The following BCL2 variants were observed in gnomAD, a reference collection of about 807,000 sequenced individuals.
BCL2 encodes apoptosis regulator Bcl-2.
A neutral mutation model predicts 14.2 loss-of-function variants in BCL2; 1 was observed. That is an observed-to-expected ratio of 0.07 (90% CI 0.02 to 0.33). The LOEUF (loss-of-function observed/expected upper bound fraction) is 0.33, where lower values mean the gene tolerates loss of function less well. Among genes scored for constraint, BCL2 ranks in the 10% least tolerant of loss-of-function variants. The probability of loss-of-function intolerance (pLI) is 0.99; values close to 1 mark genes in which losing one functional copy is unlikely to be tolerated. For synonymous variants in BCL2, 151 were observed against 137.2 expected (o/e 1.10, Z -0.70); for missense variants, 247 against 305.9 (o/e 0.81, Z 1.44).
chr18:63,241,232 C>A (rs1910991888), intron 2 of BCL2, among the ~76,000 whole-genome samples: 1 of 152,210 alleles, frequency 6.6e-6, no homozygotes, highest in African/African-American at 2.4e-5. Flanking sequence ...TACGCTTTTA[C>A]ATAGCGCTTG....
At chr18:63,284,449 C>T (rs1044542170) in intron 2 of BCL2, among the ~76,000 whole-genome samples, 5 of 152,014 alleles carry the variant, frequency 3.3e-5, no homozygotes, top group Admixed American at 6.6e-5. Flanking sequence ...AACAGGGGAC[C>T]CCAGAAGTCC....
At chr18:63,241,156 C>G (rs1258330567) in intron 2 of BCL2, among the ~76,000 whole-genome samples, 1 of 152,250 alleles carries the variant, frequency 6.6e-6, no homozygotes, top group African/African-American at 2.4e-5. Flanking sequence ...ATTTGGCCCA[C>G]AGGCCATAGC....
At chr18:63,291,057 G>A (rs1283000117) in intron 2 of BCL2, among the ~76,000 whole-genome samples, 5 of 152,016 alleles carry the variant, frequency 3.3e-5, no homozygotes, top group Non-Finnish European at 7.4e-5. Context: ...TCAACACCCG[G>A]CACCCACAGC....
intron 2 of BCL2, among the ~76,000 whole-genome samples, chr18:63,131,184 A>G (rs1004336092): frequency 1.4e-4 from 22 of 152,178 alleles, no homozygotes; most frequent in African/African-American, 5.1e-4. Flanking sequence ...CAGATGACCC[A>G]TCCTGTGTGT....
intron 2 of BCL2, among the ~76,000 whole-genome samples, chr18:63,140,143 A>G (rs1191281968): frequency 6.6e-6 from 1 of 152,206 alleles, no homozygotes. Context: ...AAAAATAGAT[A>G]ATAACAAGTG....
At chr18:63,169,322 T>G (rs1281453839) in intron 2 of BCL2, among the ~76,000 whole-genome samples, 1 of 105,610 alleles carries the variant, frequency 9.5e-6, no homozygotes, top group Non-Finnish European at 1.7e-5. Context: ...CTTCCTTCCT[T>G]CTTTCCTTTC....
At chr18:63,214,330 C>G (rs918347164) in intron 2 of BCL2, among the ~76,000 whole-genome samples, 1 of 152,202 alleles carries the variant, frequency 6.6e-6, no homozygotes, top group Non-Finnish European at 1.5e-5. Context: ...GTGAGACAAA[C>G]GTCCGGTGCA....
At chr18:63,231,534 T>C (rs1188578663) in intron 2 of BCL2, among the ~76,000 whole-genome samples, 1 of 152,110 alleles carries the variant, frequency 6.6e-6, no homozygotes, top group East Asian at 1.9e-4. Context: ...TATACAAACA[T>C]CCATGGCATC....
chr18:63,205,060 T>C (rs1477282601), intron 2 of BCL2, among the ~76,000 whole-genome samples: 1 of 152,164 alleles, frequency 6.6e-6, no homozygotes, highest in Non-Finnish European at 1.5e-5. Flanking sequence ...TTCTAAACTG[T>C]TCCAGTATAG....
Position 63,125,437 on chromosome 18 carries a change from G to C in BCL2, c.*3188C>G. On this transcript the variant is annotated 3_prime_UTR_variant, in exon 3 of 3. Transcript: ENST00000333681. ...GTATTTGTGCAGCGAGGGACTGGGA[G>C]GGCCGAGGAGGTTCTCAGATGTTCT... The C allele has an allele frequency of 4.5e-6, 1 of 221,876 alleles. No homozygotes were observed. The highest frequency in any genetic ancestry group is 9.0e-6 in the Non-Finnish European group (1 of 110,836). 13.7% of individuals were successfully genotyped at this position (221,876 alleles called of 1,614,324 possible). A position where few individuals can be genotyped will look rare whatever the true frequency, so the allele number is the denominator to read the frequency against.
chr18:63,274,680 C>T (rs1040745932), intron 2 of BCL2, among the ~76,000 whole-genome samples: 3 of 152,144 alleles, frequency 2.0e-5, no homozygotes, highest in African/African-American at 7.2e-5. Context: ...TTGAAGCAAA[C>T]GGAACTGCAG....
chr18:63,143,593 A>G (rs1054029984), intron 2 of BCL2, among the ~76,000 whole-genome samples: 8 of 152,328 alleles, frequency 5.3e-5, no homozygotes, highest in Admixed American at 5.2e-4. Context: ...AGCCTGGGGG[A>G]CCCTGCCTGC....
At chr18:63,221,098 A>G (rs959494024) in intron 2 of BCL2, among the ~76,000 whole-genome samples, 2 of 151,966 alleles carry the variant, frequency 1.3e-5, no homozygotes, top group African/African-American at 4.8e-5. Context: ...AAAAGTGACC[A>G]CTCTTTGAGG....
intron 2 of BCL2, among the ~76,000 whole-genome samples, chr18:63,153,662 C>A (rs1378830188): frequency 6.6e-6 from 1 of 152,138 alleles, no homozygotes; most frequent in African/African-American, 2.4e-5. Context: ...TTCTTGAAAT[C>A]GTCAGGGCAG....
intron 2 of BCL2, among the ~76,000 whole-genome samples, chr18:63,197,253 G>A (rs116909185): frequency 0.022 from 3,302 of 152,278 alleles, 52 homozygotes; most frequent in Admixed American, 0.046. Context: ...CTTCCTAGCT[G>A]TGTGACCACT....
At chr18:63,223,399 C>CA (rs200044919) in intron 2 of BCL2, among the ~76,000 whole-genome samples, 25,583 of 83,502 alleles carry the variant, frequency 0.31, 2,436 homozygotes, top group Non-Finnish European at 0.38. Context: ...GACTCCGTTT[C>CA]AAAAAAAAAA....
intron 2 of BCL2, among the ~76,000 whole-genome samples, chr18:63,185,698 A>G (rs936876602): frequency 1.6e-4 from 25 of 152,196 alleles, no homozygotes; most frequent in African/African-American, 4.6e-4. Flanking sequence ...ATTTGTATTA[A>G]TTATTTCGGC....
At chr18:63,284,981 C>T (rs1912429813) in intron 2 of BCL2, among the ~76,000 whole-genome samples, 1 of 152,154 alleles carries the variant, frequency 6.6e-6, no homozygotes, top group African/African-American at 2.4e-5. Flanking sequence ...GGGAGTCAGG[C>T]ATGGAAGGTT....
intron 2 of BCL2, among the ~76,000 whole-genome samples, chr18:63,271,565 C>T (rs1568253581): frequency 6.6e-6 from 1 of 152,166 alleles, no homozygotes; most frequent in Non-Finnish European, 1.5e-5. Flanking sequence ...TTTTTAGGTA[C>T]ATCCAGTTTT....
Sources: allele counts gnomAD v4.1 joint callset (sites outside exome capture counted in the v4.1 genomes callset), GRCh38; gene constraint gnomAD v4.1.1; transcripts MANE v1.5; gene names NCBI Gene and HGNC (gene_info 2026-07-23, HGNC 2026-07-21).